DLGAP1: variants seen among roughly 807,000 people sequenced by gnomAD.
DLGAP1 encodes the protein disks large-associated protein 1.
A neutral mutation model predicts 90.8 loss-of-function variants in DLGAP1; 11 were observed. The ratio of observed to expected loss-of-function variants is 0.12; its 90% CI spans 0.08 to 0.20. DLGAP1 has a LOEUF of 0.20. DLGAP1 is among the 10% of genes least tolerant of loss of function. The probability of loss-of-function intolerance (pLI) is 1.00; values close to 1 mark genes in which losing one functional copy is unlikely to be tolerated. For synonymous variants in DLGAP1, 558 were observed against 540.7 expected (o/e 1.03, Z -0.44); for missense variants, 1,050 against 1,333.8 (o/e 0.79, Z 3.31).
intron 2 of DLGAP1, among the ~76,000 whole-genome samples, chr18:4,072,130 G>A (rs986524492): frequency 3.2e-4 from 48 of 152,084 alleles, no homozygotes; most frequent in Admixed American, 1.1e-3. Context: ...AGGTAGCATC[G>A]GTTCTGTGTA....
At chr18:4,429,583 G>A (rs2083236064) in intron 1 of DLGAP1, among the ~76,000 whole-genome samples, 2 of 152,198 alleles carry the variant, frequency 1.3e-5, no homozygotes, top group South Asian at 2.1e-4. Context: ...GACACTAAGT[G>A]TTGGCAAGGA....
intron 5 of DLGAP1, among the ~76,000 whole-genome samples, chr18:3,777,128 T>C (rs968286116): frequency 3.3e-5 from 5 of 152,230 alleles, no homozygotes; most frequent in Non-Finnish European, 7.3e-5. Context: ...AATTATTTTA[T>C]ATATGCTTAT....
chr18:3,697,900 A>G (rs962115719), intron 7 of DLGAP1, among the ~76,000 whole-genome samples: 1 of 152,216 alleles, frequency 6.6e-6, no homozygotes, highest in African/African-American at 2.4e-5. Context: ...TAGGATAGTT[A>G]GCTCTTCTTG....
At chr18:4,066,352 T>A (rs1224349003) in intron 2 of DLGAP1, among the ~76,000 whole-genome samples, 1 of 151,098 alleles carries the variant, frequency 6.6e-6, no homozygotes, top group Admixed American at 6.6e-5. Flanking sequence ...AGCAAAAAAA[T>A]AAAAATGAAA....
At chr18:3,696,833 GT>G (rs1236565518) in intron 7 of DLGAP1, among the ~76,000 whole-genome samples, 1 of 151,956 alleles carries the variant, frequency 6.6e-6, no homozygotes, top group African/African-American at 2.4e-5. Flanking sequence ...GTCCTGGACT[GT>G]TTTGGTTGGT....
chr18:3,728,531 G>C (rs556122591), intron 7 of DLGAP1, among the ~76,000 whole-genome samples: 9 of 152,110 alleles, frequency 5.9e-5, no homozygotes, highest in African/African-American at 2.2e-4. Context: ...ATACAGTTTA[G>C]TGGGAAAAGG....
chr18:3,748,527 T>G (rs1299972642), intron 5 of DLGAP1, among the ~76,000 whole-genome samples: 2 of 152,222 alleles, frequency 1.3e-5, no homozygotes, highest in Non-Finnish European at 2.9e-5. Flanking sequence ...TTTTGTTCAT[T>G]TTCACGTTGT....
intron 1 of DLGAP1, among the ~76,000 whole-genome samples, chr18:4,178,202 AACACAC>A (rs59444096): frequency 0.08 from 9,527 of 118,366 alleles, 453 homozygotes; most frequent in East Asian, 0.23. Flanking sequence ...TCCTGGAATA[AACACAC>A]ACACACACAC....
intron 1 of DLGAP1, among the ~76,000 whole-genome samples, chr18:4,448,464 T>C (rs2083722921): frequency 6.6e-6 from 1 of 152,134 alleles, no homozygotes; most frequent in Non-Finnish European, 1.5e-5. Context: ...CAAGATCCCT[T>C]AGGATTCATA....
rs569221399 is a variant in DLGAP1 at position 4,276,451 on chromosome 18, C to T, written c.-266-125164G>A. Among the ~76,000 whole-genome samples the T allele has an allele frequency of 5.3e-5, 8 of 151,938 alleles. No individual in the cohort carries two copies. The South Asian group carries it at 8.3e-4, about 16-fold the overall frequency. On this transcript the variant is annotated intron_variant, in intron 1 of 12. Coordinates refer to ENST00000315677, the MANE Select transcript of DLGAP1 (RefSeq NM_004746.4). ...AGGAGCTCAAGACCAGCCTGGCCAA[C>T]GTGGTGAAACCCTGTCTCTACTAAA...
At chr18:3,512,947 G>A (rs1332016652) in intron 10 of DLGAP1, among the ~76,000 whole-genome samples, 3 of 152,046 alleles carry the variant, frequency 2.0e-5, no homozygotes, top group African/African-American at 2.4e-5. Context: ...TAATGGTGGC[G>A]CAGCGTTGTA....
intron 2 of DLGAP1, among the ~76,000 whole-genome samples, chr18:4,125,499 G>A (rs1411407074): frequency 6.6e-6 from 1 of 152,138 alleles, no homozygotes; most frequent in Non-Finnish European, 1.5e-5. Context: ...TTGGCAAAAA[G>A]CCCCAGACTC....
At chr18:4,353,135 C>T (rs1567854984) in intron 1 of DLGAP1, among the ~76,000 whole-genome samples, 2 of 152,096 alleles carry the variant, frequency 1.3e-5, no homozygotes, top group Admixed American at 6.5e-5. Context: ...AAATACAAGC[C>T]CTCACACACC....
intron 2 of DLGAP1, among the ~76,000 whole-genome samples, chr18:4,099,643 G>C (rs1442939823): frequency 6.6e-6 from 1 of 151,660 alleles, no homozygotes; most frequent in Non-Finnish European, 1.5e-5. Flanking sequence ...GGCTGCTGAT[G>C]ATCAGGGTGG....
chr18:4,018,303 G>C (rs1336097721), intron 2 of DLGAP1, among the ~76,000 whole-genome samples: 3 of 152,200 alleles, frequency 2.0e-5, no homozygotes, highest in African/African-American at 4.8e-5. Context: ...CTTCAGAACT[G>C]GCCCAAACTG....
rs2049817477 is a variant in DLGAP1 at position 3,499,515 on chromosome 18, G to A, written c.2725-121C>T. ...ACCTAGGGGTGGTTAGTTCTGATCT[G>A]CACACTGCATATCTACTTTTTTCTT... is the stretch of plus-strand genomic sequence containing the variant. On this transcript the variant is annotated intron_variant, in intron 12 of 12. Transcript: ENST00000315677. The surrounding 1 kb of genome is among the most constrained non-coding windows in gnomAD (Gnocchi z 6.4). The A allele has an allele frequency of 7.3e-6, 7 of 952,450 alleles. No homozygotes were observed. The highest frequency in any genetic ancestry group is 2.9e-5 in the Admixed American group (1 of 34,264). The allele number at this position is 952,450 out of a possible 1,614,324, so 59.0% of individuals were successfully genotyped here.
At chr18:3,793,671 G>A (rs550813779) in intron 5 of DLGAP1, among the ~76,000 whole-genome samples, 9 of 152,008 alleles carry the variant, frequency 5.9e-5, no homozygotes, top group South Asian at 2.1e-4. Flanking sequence ...CTCTCTTTGC[G>A]CTCTCTGCTG....
intron 1 of DLGAP1, among the ~76,000 whole-genome samples, chr18:4,231,618 AT>A (rs1408465215): frequency 1.5e-4 from 23 of 148,390 alleles, no homozygotes; most frequent in East Asian, 7.9e-4. Flanking sequence ...TTTCAGTTCT[AT>A]TTTTTTTTTA....
At position 4,371,259 on chromosome 18, in the gene DLGAP1, G is replaced by A. The variant is rs79712396; in HGVS notation, c.-267+83747C>T. Among the ~76,000 whole-genome samples, 784 of 152,298 alleles carry A rather than the reference G, an allele frequency of 5.1e-3. 4 individuals are homozygous for A. The highest frequency in any genetic ancestry group is 0.02 in the Middle Eastern group (6 of 294). ...AATAAATAAATACATGATTACAACA[G>A]ACTTTGTTAAGAAGTCAAATATATG... On this transcript the variant is annotated intron_variant, in intron 1 of 12. Coordinates refer to ENST00000315677, the MANE Select transcript of DLGAP1 (RefSeq NM_004746.4).
Sources: allele counts gnomAD v4.1 joint callset (sites outside exome capture counted in the v4.1 genomes callset), GRCh38; gene constraint gnomAD v4.1.1; non-coding constraint Gnocchi (gnomAD v3.1); transcripts MANE v1.5; gene names NCBI Gene and HGNC (gene_info 2026-07-23, HGNC 2026-07-21).